GRK5: variants seen among roughly 807,000 people sequenced by gnomAD.
GRK5 encodes the protein g protein-coupled receptor kinase GRK5.
In GRK5, 40 loss-of-function variants were observed where a neutral mutation model predicts 78.4. The ratio of observed to expected loss-of-function variants is 0.51; its 90% CI spans 0.40 to 0.66. The LOEUF (loss-of-function observed/expected upper bound fraction) is 0.66, where lower values mean the gene tolerates loss of function less well. GRK5 is among the 30% of genes least tolerant of loss of function. The probability of loss-of-function intolerance (pLI) is 0.00; values close to 1 mark genes in which losing one functional copy is unlikely to be tolerated. For synonymous variants in GRK5, 289 were observed against 296.8 expected, an observed-to-expected ratio of 0.97 and a Z score of 0.27; for missense variants, 598 against 759.9, an observed-to-expected ratio of 0.79 and a Z score of 2.50.
At chr10:119,241,177 G>A (rs182320596) in intron 1 of GRK5, among the ~76,000 whole-genome samples, 173 of 152,252 alleles carry the variant, frequency 1.1e-3, no homozygotes, top group Admixed American at 2.1e-3. Flanking sequence ...CAGCTTCCTC[G>A]TCTGTGACGT....
At position 119,233,666 on chromosome 10, in the gene GRK5, G is replaced by A. The variant is rs74950607; in HGVS notation, c.52+25697G>A. On this transcript the variant is annotated intron_variant, in intron 1 of 15. Coordinates refer to ENST00000392870, the MANE Select transcript of GRK5 (RefSeq NM_005308.3). Reference sequence around the variant, plus strand: ...GATCCTGACTCATTCAGGGTTAAAAGTCACATCCTTAGGGGATACCTGCCT... The same window carrying A: ...GATCCTGACTCATTCAGGGTTAAAAATCACATCCTTAGGGGATACCTGCCT... Among the ~76,000 whole-genome samples the A allele has an allele frequency of 8.7e-3, 1,328 of 152,244 alleles. 20 individuals carry two copies. The highest frequency in any genetic ancestry group is 0.031 in the African/African-American group (1,278 of 41,516).
At chr10:119,306,980 G>A (rs1033726609) in intron 1 of GRK5, among the ~76,000 whole-genome samples, 1 of 152,100 alleles carries the variant, frequency 6.6e-6, no homozygotes, top group Admixed American at 6.5e-5. Flanking sequence ...TGTGTCTCCA[G>A]CCGTCAGTGA....
chr10:119,421,465 G>A (rs748602437), intron 4 of GRK5, among the ~76,000 whole-genome samples: 21 of 152,208 alleles, frequency 1.4e-4, no homozygotes, highest in Non-Finnish European at 2.8e-4. Context: ...GTCAGAGGCC[G>A]GGCCAGAGCT....
chr10:119,373,528 A>C (rs925816543), intron 2 of GRK5, among the ~76,000 whole-genome samples: 1 of 152,318 alleles, frequency 6.6e-6, no homozygotes, highest in African/African-American at 2.4e-5. Flanking sequence ...CTCTTCTGTC[A>C]TGATTGTGAG....
At chr10:119,406,741 T>C (rs1852246477) in intron 4 of GRK5, among the ~76,000 whole-genome samples, 1 of 152,112 alleles carries the variant, frequency 6.6e-6, no homozygotes, top group African/African-American at 2.4e-5. Flanking sequence ...GGAAGAGGAT[T>C]GAAAAGAAAA....
intron 3 of GRK5, among the ~76,000 whole-genome samples, chr10:119,383,484 C>A (rs555331432): frequency 6.8e-4 from 103 of 152,364 alleles, no homozygotes; most frequent in African/African-American, 2.2e-3. Context: ...CCAACAGAGG[C>A]ACTTCCTTTT....
At chr10:119,220,306 T>TC (rs1189036144) in intron 1 of GRK5, among the ~76,000 whole-genome samples, 1 of 152,190 alleles carries the variant, frequency 6.6e-6, no homozygotes, top group African/African-American at 2.4e-5. Flanking sequence ...CCAGATGTCT[T>TC]CCCTTCAGCA....
chr10:119,402,441 C>T (rs1462371848), intron 4 of GRK5, among the ~76,000 whole-genome samples: 1 of 152,286 alleles, frequency 6.6e-6, no homozygotes, highest in Admixed American at 6.5e-5. Context: ...GACAGGTATT[C>T]AGGAGAGGGG....
At chr10:119,251,275 T>A (rs1408192808) in intron 1 of GRK5, among the ~76,000 whole-genome samples, 3 of 152,228 alleles carry the variant, frequency 2.0e-5, no homozygotes, top group African/African-American at 7.2e-5. Context: ...GATTTCCTGA[T>A]TAAAACCATG....
At chr10:119,222,744 T>TG (rs1346299356) in intron 1 of GRK5, among the ~76,000 whole-genome samples, 2 of 152,190 alleles carry the variant, frequency 1.3e-5, no homozygotes, top group Admixed American at 1.3e-4. Flanking sequence ...TAGCTCTACA[T>TG]GGGGAAGGGC....
intron 1 of GRK5, among the ~76,000 whole-genome samples, chr10:119,278,712 C>T (rs570851937): frequency 6.6e-5 from 10 of 152,192 alleles, no homozygotes; most frequent in African/African-American, 1.9e-4. Flanking sequence ...AACAATGAGA[C>T]GTTATTTTCT....
chr10:119,396,845 T>G, intron 4 of GRK5, 73 bp downstream of exon 4: 1 of 1,158,488 alleles, frequency 8.6e-7, no homozygotes, highest in Middle Eastern at 2.4e-4. Flanking sequence ...CCTAAGTCTG[T>G]GCCAGGCCAC....
intron 1 of GRK5, among the ~76,000 whole-genome samples, chr10:119,262,250 T>G (rs1849420662): frequency 6.6e-6 from 1 of 151,430 alleles, no homozygotes. Flanking sequence ...GACAGCAGCC[T>G]AAGTGTGAGT....
In GRK5 at chr10:119,271,271, C is replaced by T. The variant is rs1271234447; in HGVS notation, c.53-55245C>T. On this transcript the variant is annotated intron_variant, in intron 1 of 15. Coordinates refer to ENST00000392870, the MANE Select transcript of GRK5 (RefSeq NM_005308.3). The surrounding 1 kb of genome is among the most constrained non-coding windows in gnomAD (Gnocchi z 4.1). ...AGGCCCTCTCAGACACGCCTGGCCTCTTTAGAGGCTCTCTCATCCCCTCGA... is the reference window on the plus strand; with the variant it reads ...AGGCCCTCTCAGACACGCCTGGCCTTTTTAGAGGCTCTCTCATCCCCTCGA... 6.6e-6 allele frequency among the ~76,000 whole-genome samples: 1 copy of T among 152,204 alleles called. No individual in the cohort carries two copies. The highest frequency in any genetic ancestry group is 3.2e-3 in the Middle Eastern group (1 of 316).
At chr10:119,417,929 G>C (rs745390373) in intron 4 of GRK5, among the ~76,000 whole-genome samples, 23 of 152,318 alleles carry the variant, frequency 1.5e-4, no homozygotes, top group Admixed American at 9.1e-4. Context: ...ACCTGAAGAG[G>C]TACATTCTGG....
intron 1 of GRK5, among the ~76,000 whole-genome samples, chr10:119,301,317 C>G (rs1365850503): frequency 1.3e-5 from 2 of 152,188 alleles, no homozygotes; most frequent in African/African-American, 2.4e-5. Flanking sequence ...GTGAAAGGAG[C>G]CACGCAGCCT....
At chr10:119,394,252 GGA>G (rs1564916845) in intron 3 of GRK5, among the ~76,000 whole-genome samples, 11 of 132,372 alleles carry the variant, frequency 8.3e-5, no homozygotes, top group East Asian at 4.8e-4. Context: ...GTCTGTGTGT[GGA>G]TGTATCTGTG....
chr10:119,208,198 A>G (rs1848422469), intron 1 of GRK5, among the ~76,000 whole-genome samples: 1 of 152,256 alleles, frequency 6.6e-6, no homozygotes, highest in Non-Finnish European at 1.5e-5. Flanking sequence ...GGATGCTAAC[A>G]TATCTCCTAG....
intron 3 of GRK5, among the ~76,000 whole-genome samples, chr10:119,381,255 C>T (rs1447284482): frequency 6.6e-6 from 1 of 152,236 alleles, no homozygotes; most frequent in East Asian, 1.9e-4. Flanking sequence ...GCTCTTGGAT[C>T]TCAAGGCCCC....
Sources: gnomAD v4.1 joint callset for allele counts (sites outside exome capture counted in the v4.1 genomes callset) on GRCh38, gnomAD v4.1.1 for gene constraint, Gnocchi (gnomAD v3.1) non-coding constraint, MANE v1.5 for transcripts, NCBI Gene and HGNC (gene_info 2026-07-23, HGNC 2026-07-21) for gene names.